Variants in SLC6A11 observed in about 807,000 individuals in gnomAD.
SLC6A11 encodes sodium- and chloride-dependent GABA transporter 3.
Under a neutral mutation model 74.8 loss-of-function variants are expected in SLC6A11, and 25 were observed. The observed-to-expected ratio is 0.33, with a 90% CI of 0.24 to 0.47. The LOEUF (loss-of-function observed/expected upper bound fraction) is 0.47. SLC6A11 is among the 20% of genes least tolerant of loss of function. The pLI is 1.00. For synonymous variants in SLC6A11, 330 were observed against 330.2 expected (o/e 1.00, Z 0.01); for missense variants, 574 against 837.0 (o/e 0.69, Z 3.88).
chr3:10,926,039 G>A lies in SLC6A11; in HGVS notation c.1156G>A (p.Val386Ile). The change falls in exon 9 of 14, where the codon GTC becomes ATC. Residue 386 changes from valine (V) to isoleucine (I), a missense_variant. Val to Ile is a conservative substitution (Grantham distance 29). Transcript: ENST00000254488. This position sits in a 1 kb window ranked among gnomAD's most constrained non-coding sequence, Gnocchi z 5.7. Reference protein sequence around the residue: ...GLAFIAYPKAVTMMPLSPLWA... With the variant: ...GLAFIAYPKAITMMPLSPLWA... ...GGCCTTTATTGCGTACCCCAAGGCG[G>A]TCACCATGATGCCTCTCTCCCCGCT... 7 of 1,613,480 alleles carry A rather than the reference G, an allele frequency of 4.3e-6. No homozygotes were observed. The highest frequency in any genetic ancestry group is 5.9e-6 in the Non-Finnish European group (7 of 1,179,542).
intron 1 of SLC6A11, among the ~76,000 whole-genome samples, chr3:10,817,768 C>T (rs1461497551): frequency 6.6e-6 from 1 of 152,180 alleles, no homozygotes; most frequent in Non-Finnish European, 1.5e-5. Context: ...TGCTCCAAGC[C>T]TGCTCTGCAC....
chr3:10,873,431 T>TATCCTATGCCATGCCATGCC (rs1694855771), intron 5 of SLC6A11, among the ~76,000 whole-genome samples: 3 of 150,742 alleles, frequency 2.0e-5, no homozygotes, highest in African/African-American at 7.3e-5. Flanking sequence ...TATCCTATCC[T>TATCCTATGCCATGCCATGCC]ATCCTATCCT....
chr3:10,910,411 G>T (rs1197042477), intron 6 of SLC6A11, among the ~76,000 whole-genome samples: 1 of 152,122 alleles, frequency 6.6e-6, no homozygotes, highest in East Asian at 1.9e-4. Context: ...GGAGGAGAGG[G>T]ATGTGGCCTG....
chr3:10,913,096 A>G (rs954008329), intron 7 of SLC6A11, among the ~76,000 whole-genome samples: 2 of 150,858 alleles, frequency 1.3e-5, no homozygotes, highest in African/African-American at 2.4e-5. Context: ...AGATAGGATA[A>G]GTATTTTGGG....
chr3:10,820,017 G>A (rs1296750423), intron 3 of SLC6A11, among the ~76,000 whole-genome samples, 165 bp downstream of exon 3: 11 of 152,214 alleles, frequency 7.2e-5, no homozygotes, highest in Non-Finnish European at 5.9e-5. Context: ...GTTCTGGTAC[G>A]TTCTGTGAGT....
chr3:10,929,006 G>A (rs1053288761), intron 9 of SLC6A11, among the ~76,000 whole-genome samples, 196 bp from the exon 10 acceptor site: 1 of 152,156 alleles, frequency 6.6e-6, no homozygotes, highest in Non-Finnish European at 1.5e-5. Flanking sequence ...GAGCCTCAGC[G>A]TCGTCATCTG....
intron 4 of SLC6A11, 56 bp downstream of exon 4, chr3:10,823,448 C>A: frequency 1.7e-6 from 2 of 1,175,492 alleles, no homozygotes; most frequent in Non-Finnish European, 2.6e-6. Flanking sequence ...CCTGGTTCTG[C>A]TCAGTTGGTC....
rs550600178 is a variant in SLC6A11, at chr3:10,902,539, C to T, written c.892-9551C>T. Among the ~76,000 whole-genome samples, 45 of 152,360 alleles carry T rather than the reference C, an allele frequency of 3.0e-4. 1 individual carries two copies. In the South Asian group the frequency reaches 8.9e-3, roughly 30 times the overall value. ...AGGGATGGTACCAGGTACTCCACTA[C>T]ACACTTTACATTCATTATGTCTTTC... On this transcript the variant is annotated intron_variant, in intron 6 of 13. Transcript: ENST00000254488.
At chr3:10,902,363 T>G (rs745699264) in intron 6 of SLC6A11, among the ~76,000 whole-genome samples, 1 of 152,236 alleles carries the variant, frequency 6.6e-6, no homozygotes, top group Non-Finnish European at 1.5e-5. Flanking sequence ...GTGTATCTGC[T>G]TTAGTGATGG....
In SLC6A11 at chr3:10,816,662, G is replaced by A; in HGVS notation, c.256+141G>A. Reference sequence around the variant, plus strand: ...AACCTCGACTCCAGGCACCTCGCGTGTGAGCTCGCCCCGGAGCGCGGCCCA... The same window carrying A: ...AACCTCGACTCCAGGCACCTCGCGTATGAGCTCGCCCCGGAGCGCGGCCCA... On this transcript the variant is annotated intron_variant, in intron 1 of 13. Coordinates refer to ENST00000254488, the MANE Select transcript of SLC6A11 (RefSeq NM_014229.3). This position sits in a 1 kb window ranked among gnomAD's most constrained non-coding sequence, Gnocchi z 4.2. 1.1e-6 allele frequency: 1 copy of A among 912,878 alleles called. No homozygotes were observed. Among genetic ancestry groups the A allele is most frequent in the Non-Finnish European group, 1.6e-6 (1 of 639,850 alleles). The allele number at this position is 912,878 out of a possible 1,614,324, so 56.5% of individuals were successfully genotyped here.
chr3:10,874,623 C>T (rs1180608572), intron 5 of SLC6A11, among the ~76,000 whole-genome samples: 1 of 152,138 alleles, frequency 6.6e-6, no homozygotes, highest in Non-Finnish European at 1.5e-5. Flanking sequence ...GTCTCTAGAG[C>T]TGATACATCT....
chr3:10,940,518 G>A lies in SLC6A11; in HGVS notation c.*2116G>A, dbSNP rs1486700008. ...CTTTGGGGGTGGGGAGGGCAATGTG[G>A]GGGCAGGGGAACATGTCATTGTGAT... On this transcript the variant is annotated 3_prime_UTR_variant, in exon 14 of 14. Transcript: ENST00000254488. The A allele has an allele frequency of 6.6e-6, 1 of 152,088 alleles. No individual in the cohort carries two copies. Among genetic ancestry groups the A allele is most frequent in the African/African-American group, 2.4e-5 (1 of 41,388 alleles). The allele number at this position is 152,088 out of a possible 1,614,324, so 9.4% of individuals were successfully genotyped here.
intron 6 of SLC6A11, among the ~76,000 whole-genome samples, chr3:10,891,075 C>A (rs1460872218): frequency 1.3e-5 from 2 of 152,222 alleles, no homozygotes; most frequent in African/African-American, 4.8e-5. Flanking sequence ...ATACCCACAG[C>A]ATGCAATCTT....
rs950543522 is a variant in SLC6A11 at position 10,915,532 on chromosome 3, C to G, written c.996-2797C>G. ...AAAAGCCCAGCTCAGTGCCTGCCGA[C>G]TTCAAAGCACTGTTACATAAGCGTT... On this transcript the variant is annotated intron_variant, in intron 7 of 13. Transcript: ENST00000254488. This position sits in a 1 kb window ranked among gnomAD's most constrained non-coding sequence, Gnocchi z 4.3. Among the ~76,000 whole-genome samples, 6 of 152,316 alleles carry G rather than the reference C, an allele frequency of 3.9e-5. No homozygotes were observed. The highest frequency in any genetic ancestry group is 1.4e-4 in the African/African-American group (6 of 41,564).
chr3:10,827,278 C>T (rs979190433), intron 4 of SLC6A11, among the ~76,000 whole-genome samples: 4 of 152,120 alleles, frequency 2.6e-5, no homozygotes, highest in African/African-American at 9.7e-5. Flanking sequence ...ATTAGAATCC[C>T]TTCCCTCTCT....
At chr3:10,823,016 AAAG>A (rs1407255346) in intron 3 of SLC6A11, among the ~76,000 whole-genome samples, 2 of 151,828 alleles carry the variant, frequency 1.3e-5, no homozygotes, top group African/African-American at 4.8e-5. Context: ...GGAAAAAATA[AAAG>A]AAGATTTGGG....
intron 7 of SLC6A11, among the ~76,000 whole-genome samples, chr3:10,913,401 G>A (rs998094983): frequency 8.5e-5 from 13 of 152,210 alleles, no homozygotes; most frequent in African/African-American, 2.4e-4. Flanking sequence ...GAAGTCAGAG[G>A]TGGGGAGGTG....
intron 7 of SLC6A11, 78 bp downstream of exon 7, chr3:10,912,271 G>A: frequency 1.0e-6 from 1 of 985,290 alleles, no homozygotes; most frequent in Non-Finnish European, 1.6e-6. Context: ...GTTTATGTTT[G>A]TCTGCCCACC....
rs1202214321 is a variant in SLC6A11 at position 10,938,145 on chromosome 3, T to C, written c.1747-105T>C. ...TGGGGCCCGGACCTTGGTCTGAGAATTCTCCAGCACCCAGATGTCCGCCGT... is the reference window on the plus strand; with the variant it reads ...TGGGGCCCGGACCTTGGTCTGAGAACTCTCCAGCACCCAGATGTCCGCCGT... On this transcript the variant is annotated intron_variant, in intron 13 of 13. Coordinates refer to ENST00000254488, the MANE Select transcript of SLC6A11 (RefSeq NM_014229.3). The C allele has an allele frequency of 9.6e-6, 11 of 1,149,370 alleles. No individual in the cohort carries two copies. In the East Asian group the frequency reaches 2.7e-4, roughly 28 times the overall value. 71.2% of individuals were successfully genotyped at this position (1,149,370 alleles called of 1,614,324 possible).
Sources: allele counts gnomAD v4.1 joint callset (sites outside exome capture counted in the v4.1 genomes callset), GRCh38; gene constraint gnomAD v4.1.1; non-coding constraint Gnocchi (gnomAD v3.1); transcripts MANE v1.5; gene names NCBI Gene and HGNC (gene_info 2026-07-23, HGNC 2026-07-21).